Variants in PARG observed in about 807,000 individuals in gnomAD.
PARG encodes mitochondrial poly(ADP-ribose) glycohydrolase.
Under a neutral mutation model 113.0 loss-of-function variants are expected in PARG, and 35 were observed. The ratio of observed to expected loss-of-function variants is 0.31; its 90% CI spans 0.24 to 0.41. The LOEUF (loss-of-function observed/expected upper bound fraction) is 0.41, where lower values mean the gene tolerates loss of function less well. Among genes scored for constraint, PARG ranks in the 10% least tolerant of loss-of-function variants. The probability of loss-of-function intolerance (pLI) is 1.00; values close to 1 mark genes in which losing one functional copy is unlikely to be tolerated. For missense variants in PARG, 797 were observed against 1,169.4 expected, an observed-to-expected ratio of 0.68 and a Z score of 4.64; for synonymous variants, 330 against 409.9, an observed-to-expected ratio of 0.81 and a Z score of 2.36.
chr10:49,832,120 G>C (rs1419725089), intron 16 of PARG, among the ~76,000 whole-genome samples: 1 of 152,232 alleles, frequency 6.6e-6, no homozygotes, highest in Non-Finnish European at 1.5e-5. Flanking sequence ...TTGAAAAAAT[G>C]TCAATGTAGT....
intron 6 of PARG, among the ~76,000 whole-genome samples, chr10:49,916,556 T>G (rs1837482224): frequency 6.6e-6 from 1 of 152,034 alleles, no homozygotes; most frequent in Admixed American, 6.5e-5. Flanking sequence ...ATTATCTTCC[T>G]CCAGCAGTTC....
intron 9 of PARG, among the ~76,000 whole-genome samples, chr10:49,878,120 C>T (rs1408746916): frequency 2.6e-5 from 4 of 151,244 alleles, no homozygotes; most frequent in African/African-American, 9.7e-5. Context: ...CCCAAAAATG[C>T]ATGACCTCAT....
intron 7 of PARG, among the ~76,000 whole-genome samples, chr10:49,886,035 C>T (rs1847460743): frequency 6.6e-6 from 1 of 152,162 alleles, no homozygotes; most frequent in East Asian, 1.9e-4. Context: ...ACTACATATA[C>T]AGTCAGGACT....
intron 8 of PARG, among the ~76,000 whole-genome samples, chr10:49,880,859 T>G (rs1200036940): frequency 6.6e-6 from 1 of 152,336 alleles, no homozygotes; most frequent in East Asian, 1.9e-4. Flanking sequence ...ACATGACAGA[T>G]AGCAGACCTT....
chr10:49,909,160 T>C (rs1184577350), intron 7 of PARG, among the ~76,000 whole-genome samples: 7 of 152,346 alleles, frequency 4.6e-5, no homozygotes, highest in South Asian at 2.1e-4. Flanking sequence ...TATGCATGAA[T>C]GCATTGATGC....
intron 15 of PARG, 41 bp from the exon 16 acceptor site, chr10:49,832,949 A>G: frequency 6.0e-6 from 6 of 992,266 alleles, no homozygotes; most frequent in Non-Finnish European, 9.3e-6. Context: ...GAGTGCCTAG[A>G]CACTAACAGT....
chr10:49,897,145 T>C (rs1848127616), intron 7 of PARG, among the ~76,000 whole-genome samples: 1 of 152,218 alleles, frequency 6.6e-6, no homozygotes. Flanking sequence ...TTGCACCTCC[T>C]GACTTCATTT....
chr10:49,818,587 T>G lies in PARG; in HGVS notation c.*753A>C, dbSNP rs999738481. ...ACCAAGAAACAAAAAAAATCTTCAATTCTCTTGAATCTGTTTTCTTTACAC... is the reference window on the plus strand; with the variant it reads ...ACCAAGAAACAAAAAAAATCTTCAAGTCTCTTGAATCTGTTTTCTTTACAC... On this transcript the variant is annotated 3_prime_UTR_variant, in exon 18 of 18. Transcript: ENST00000616448. 2 of 152,548 alleles carry G rather than the reference T, an allele frequency of 1.3e-5. No individual in the cohort carries two copies. Among genetic ancestry groups the G allele is most frequent in the African/African-American group, 4.8e-5 (2 of 41,450 alleles). The allele number at this position is 152,548 out of a possible 1,614,324, so 9.4% of individuals were successfully genotyped here. A position where few individuals can be genotyped will look rare whatever the true frequency, so the allele number is the denominator to read the frequency against.
At chr10:49,940,555 T>C (rs1838985432) in intron 1 of PARG, among the ~76,000 whole-genome samples, 1 of 151,886 alleles carries the variant, frequency 6.6e-6, no homozygotes, top group East Asian at 1.9e-4. Flanking sequence ...TTCGCTCTTG[T>C]TGCCCAGGCT....
chr10:49,849,995 G>A (rs1256465863), intron 13 of PARG, among the ~76,000 whole-genome samples: 1 of 152,062 alleles, frequency 6.6e-6, no homozygotes, highest in Non-Finnish European at 1.5e-5. Flanking sequence ...CCTAGCCTGG[G>A]TGACAGAGAT....
intron 8 of PARG, among the ~76,000 whole-genome samples, chr10:49,883,959 T>C (rs1352410065): frequency 1.3e-4 from 20 of 151,808 alleles, no homozygotes; most frequent in African/African-American, 4.1e-4. Flanking sequence ...CTCCCTTGGA[T>C]TGCTTGCTCT....
intron 12 of PARG, among the ~76,000 whole-genome samples, chr10:49,859,518 T>C (rs1490853563): frequency 1.3e-5 from 2 of 151,904 alleles, no homozygotes; most frequent in East Asian, 3.8e-4. Flanking sequence ...GGACTGTACT[T>C]GAGAACTAAG....
chr10:49,910,071 T>C (rs561030608), intron 7 of PARG: 3 of 152,310 alleles, frequency 2.0e-5, no homozygotes, highest in East Asian at 3.9e-4. Flanking sequence ...TCAACTTAAT[T>C]TGCATCATTC....
intron 7 of PARG, among the ~76,000 whole-genome samples, chr10:49,885,883 A>C (rs1847452626): frequency 6.6e-6 from 1 of 152,216 alleles, no homozygotes; most frequent in Non-Finnish European, 1.5e-5. Flanking sequence ...AATTTGAAGC[A>C]CAACAAAGAT....
At chr10:49,832,346 T>C (rs576572106) in intron 16 of PARG, among the ~76,000 whole-genome samples, 2 of 152,210 alleles carry the variant, frequency 1.3e-5, no homozygotes, top group Non-Finnish European at 2.9e-5. Context: ...TCTCATACAC[T>C]GGACTGTGAA....
chr10:49,826,078 G>A (rs1844344454), intron 16 of PARG, among the ~76,000 whole-genome samples: 1 of 152,104 alleles, frequency 6.6e-6, no homozygotes, highest in Non-Finnish European at 1.5e-5. Flanking sequence ...GTAAATTTTG[G>A]AGCATTTTGA....
chr10:49,938,200 C>T (rs1246769141), intron 1 of PARG, among the ~76,000 whole-genome samples: 2 of 152,116 alleles, frequency 1.3e-5, no homozygotes, highest in Admixed American at 1.3e-4. Flanking sequence ...GAAAATGAAG[C>T]TAACAACACC....
chr10:49,937,225 C>T (rs1589015432), intron 1 of PARG, among the ~76,000 whole-genome samples: 1 of 152,124 alleles, frequency 6.6e-6, no homozygotes, highest in Admixed American at 6.5e-5. Flanking sequence ...GCCTGTAATC[C>T]CAACACTTTG....
intron 7 of PARG, among the ~76,000 whole-genome samples, chr10:49,890,783 T>A (rs1337046502): frequency 2.0e-5 from 3 of 152,230 alleles, no homozygotes; most frequent in African/African-American, 7.2e-5. Flanking sequence ...ATTTCTTCTT[T>A]CTTTGAATAT....
Sources: gnomAD v4.1 joint callset for allele counts (sites outside exome capture counted in the v4.1 genomes callset) on GRCh38, gnomAD v4.1.1 for gene constraint, MANE v1.5 for transcripts, NCBI Gene and HGNC (gene_info 2026-07-23, HGNC 2026-07-21) for gene names.